Variants in UMAD1 observed in about 807,000 individuals in gnomAD.
UMAD1 encodes the protein UBAP1-MVB12-associated (UMA)-domain containing protein 1.
Under a neutral mutation model 6.1 loss-of-function variants are expected in UMAD1, and 8 were observed. The ratio of observed to expected loss-of-function variants is 1.30; its 90% CI spans 0.76 to 2.35. The LOEUF is 2.35. Ranked by LOEUF, UMAD1 falls within the 30% of genes most tolerant of loss-of-function variation. The pLI, the probability that UMAD1 is intolerant of heterozygous loss-of-function variation, is 0.00. For missense variants in UMAD1, 130 were observed against 78.4 expected (o/e 1.66, Z -2.49); for synonymous variants, 56 against 31.4 (o/e 1.78, Z -2.61).
chr7:7,680,717 G>T (rs10278708), intron 2 of UMAD1, among the ~76,000 whole-genome samples: 96,535 of 151,680 alleles, frequency 0.64, 31,078 homozygotes, highest in East Asian at 0.87. Flanking sequence ...CTCTTTGGTT[G>T]CTTTCATCAG....
At chr7:7,725,210 G>A (rs1350001081) in intron 2 of UMAD1, among the ~76,000 whole-genome samples, 1 of 152,192 alleles carries the variant, frequency 6.6e-6, no homozygotes, top group Non-Finnish European at 1.5e-5. Flanking sequence ...GGCCTGTTTG[G>A]ATTTTGGAGG....
At chr7:7,814,166 A>G (rs566008680) in intron 3 of UMAD1, among the ~76,000 whole-genome samples, 5 of 151,960 alleles carry the variant, frequency 3.3e-5, no homozygotes, top group Non-Finnish European at 5.9e-5. Context: ...TTGTATTTTT[A>G]GTAGAGATGT....
chr7:7,717,829 C>G (rs889557554), intron 2 of UMAD1, among the ~76,000 whole-genome samples: 1 of 152,128 alleles, frequency 6.6e-6, no homozygotes, highest in African/African-American at 2.4e-5. Flanking sequence ...TTACCATCAC[C>G]TTTTATGCTT....
At chr7:7,743,771 A>G (rs1240104032) in intron 2 of UMAD1, among the ~76,000 whole-genome samples, 1 of 151,786 alleles carries the variant, frequency 6.6e-6, no homozygotes, top group Non-Finnish European at 1.5e-5. Flanking sequence ...TTTAAAATAT[A>G]TATAACAAAA....
intron 2 of UMAD1, chr7:7,742,462 T>C (rs1737458235): frequency 7.4e-6 from 4 of 539,450 alleles, no homozygotes; most frequent in East Asian, 9.3e-5. Flanking sequence ...TTTTTTGTGG[T>C]TGTGGACACC....
At chr7:7,821,444 C>G (rs73674640) in intron 3 of UMAD1, among the ~76,000 whole-genome samples, 186 of 152,218 alleles carry the variant, frequency 1.2e-3, no homozygotes, top group African/African-American at 4.4e-3. Flanking sequence ...CTTAATGTGG[C>G]TATCAAAAAA....
intron 1 of UMAD1, among the ~76,000 whole-genome samples, chr7:7,643,658 G>A (rs989760218): frequency 4.6e-5 from 7 of 151,568 alleles, no homozygotes; most frequent in African/African-American, 1.5e-4. Context: ...CTTGCAGTGA[G>A]CCGAGATCGC....
At chr7:7,765,394 GTTCTAA>G (rs1412580752) in intron 2 of UMAD1, among the ~76,000 whole-genome samples, 2 of 151,952 alleles carry the variant, frequency 1.3e-5, no homozygotes, top group Admixed American at 1.3e-4. Flanking sequence ...CTTGTAAAAA[GTTCTAA>G]TTCTGATTAA....
intron 1 of UMAD1, among the ~76,000 whole-genome samples, chr7:7,651,392 A>G (rs1024370306): frequency 6.6e-6 from 1 of 152,096 alleles, no homozygotes; most frequent in Non-Finnish European, 1.5e-5. Flanking sequence ...AAAAGGCAAC[A>G]TTTGGGTATG....
intron 2 of UMAD1, among the ~76,000 whole-genome samples, chr7:7,696,473 G>T (rs971336208): frequency 6.6e-6 from 1 of 152,146 alleles, no homozygotes; most frequent in African/African-American, 2.4e-5. Context: ...CACAAGACCT[G>T]ATTTGGGAAG....
chr7:7,710,113 C>G (rs1364577059), intron 2 of UMAD1, among the ~76,000 whole-genome samples: 1 of 152,126 alleles, frequency 6.6e-6, no homozygotes, highest in Non-Finnish European at 1.5e-5. Context: ...CTATATTGCT[C>G]TATGTATCTT....
At chr7:7,822,446 A>G (rs1783259113) in intron 3 of UMAD1, among the ~76,000 whole-genome samples, 1 of 151,932 alleles carries the variant, frequency 6.6e-6, no homozygotes, top group African/African-American at 2.4e-5. Context: ...TCTTTTGTAT[A>G]TCATGCAAAG....
chr7:7,860,351 C>T (rs935016585), intron 3 of UMAD1, among the ~76,000 whole-genome samples: 85 of 152,180 alleles, frequency 5.6e-4, no homozygotes, highest in African/African-American at 2.0e-3. Flanking sequence ...GTGTTTCTCT[C>T]ACTTCGGGCC....
chr7:7,658,669 T>A (rs1405605498), intron 1 of UMAD1, among the ~76,000 whole-genome samples: 1 of 152,188 alleles, frequency 6.6e-6, no homozygotes, highest in Admixed American at 6.5e-5. Flanking sequence ...GCTGATTTGA[T>A]TGTGGTGGAT....
intron 3 of UMAD1, among the ~76,000 whole-genome samples, chr7:7,827,253 C>T (rs913242344): frequency 8.6e-5 from 13 of 151,170 alleles, no homozygotes; most frequent in African/African-American, 2.7e-4. Flanking sequence ...AATAAAATCA[C>T]GTAGTGTAGA....
At chr7:7,788,138 GGT>G (rs1306845379) in intron 2 of UMAD1, among the ~76,000 whole-genome samples, 2 of 152,178 alleles carry the variant, frequency 1.3e-5, no homozygotes, top group Non-Finnish European at 2.9e-5. Context: ...CTGATAGTCT[GGT>G]GGGAACAACA....
rs368435185 is a variant in UMAD1, at chr7:7,664,402, C to T, written c.-63-8907C>T. Among the ~76,000 whole-genome samples, 199 of 152,258 alleles carry T rather than the reference C, an allele frequency of 1.3e-3. 1 individual carries two copies. The highest frequency in any genetic ancestry group is 4.6e-3 in the African/African-American group (192 of 41,550). The stretch of plus-strand genomic sequence containing the variant: ...TCTCTTAAATACTTTGCTCAAGACT[C>T]CAGACTGCCCAGTAATGTCCAACAA... On this transcript the variant is annotated intron_variant, in intron 1 of 3. Transcript: ENST00000682710.
rs189741349 is a variant in UMAD1, at chr7:7,834,532, C to G, written c.156+32789C>G. ...CTCATGGTTCTGGAGGCTGGTAAGT[C>G]TAAGATCAAGATTCTGGCCAATTCG... On this transcript the variant is annotated intron_variant, in intron 3 of 3. Transcript: ENST00000682710. Among the ~76,000 whole-genome samples, 173 of 152,240 alleles carry G rather than the reference C, an allele frequency of 1.1e-3. 1 individual carries two copies. Among genetic ancestry groups the G allele is most frequent in the Non-Finnish European group, 1.9e-3 (126 of 68,010 alleles).
chr7:7,815,219 C>T (rs1783102811), intron 3 of UMAD1, among the ~76,000 whole-genome samples: 1 of 152,078 alleles, frequency 6.6e-6, no homozygotes, highest in Non-Finnish European at 1.5e-5. Context: ...AGACTTGTAG[C>T]TCAGATCTTG....
Sources: allele counts gnomAD v4.1 joint callset (sites outside exome capture counted in the v4.1 genomes callset), GRCh38; gene constraint gnomAD v4.1.1; transcripts MANE v1.5; gene names NCBI Gene and HGNC (gene_info 2026-07-23, HGNC 2026-07-21).